The following TCF12 variants were observed in gnomAD, a reference collection of about 807,000 sequenced individuals.
The protein encoded by TCF12 is DNA-binding protein HTF4.
In TCF12, 45 loss-of-function variants were observed where a neutral mutation model predicts 86.0. The observed-to-expected ratio is 0.52, with a 90% CI of 0.41 to 0.67. The LOEUF is 0.67. Among genes scored for constraint, TCF12 ranks in the 30% least tolerant of loss-of-function variants. The pLI is 0.00. For missense variants in TCF12, 881 were observed against 859.9 expected, an observed-to-expected ratio of 1.02 and a Z score of -0.31; for synonymous variants, 330 against 299.6, an observed-to-expected ratio of 1.10 and a Z score of -1.05.
intron 5 of TCF12, among the ~76,000 whole-genome samples, chr15:57,136,257 A>T (rs1567494011): frequency 6.6e-6 from 1 of 152,214 alleles, no homozygotes; most frequent in Non-Finnish European, 1.5e-5. Context: ...AGTACCTAGG[A>T]CATACACAGA....
At chr15:57,153,370 G>A (rs2053898281) in intron 5 of TCF12, among the ~76,000 whole-genome samples, 1 of 152,204 alleles carries the variant, frequency 6.6e-6, no homozygotes, top group African/African-American at 2.4e-5. Flanking sequence ...ACATAAACAA[G>A]TGAGCATGGC....
At chr15:57,041,970 C>A (rs1430470898) in intron 3 of TCF12, among the ~76,000 whole-genome samples, 1 of 152,090 alleles carries the variant, frequency 6.6e-6, no homozygotes, top group African/African-American at 2.4e-5. Context: ...TTTCCCTAAG[C>A]CTTGGATTGG....
At chr15:57,148,945 G>T (rs188288374) in intron 5 of TCF12, among the ~76,000 whole-genome samples, 1 of 152,134 alleles carries the variant, frequency 6.6e-6, no homozygotes. Flanking sequence ...GTTTTCCCAC[G>T]TGAGACGGGT....
chr15:57,191,564 T>C (rs1028945551), intron 6 of TCF12, among the ~76,000 whole-genome samples: 2 of 152,192 alleles, frequency 1.3e-5, no homozygotes, highest in African/African-American at 4.8e-5. Context: ...AAAATATTGA[T>C]GATTAAAAAG....
intron 5 of TCF12, among the ~76,000 whole-genome samples, chr15:57,104,247 A>G (rs575718796): frequency 7.9e-5 from 12 of 152,202 alleles, no homozygotes; most frequent in African/African-American, 2.9e-4. Flanking sequence ...AAAAATACTT[A>G]AATAAGACTA....
chr15:57,265,403 AGT>A (rs1406725472), intron 18 of TCF12, among the ~76,000 whole-genome samples: 2 of 152,116 alleles, frequency 1.3e-5, no homozygotes, highest in East Asian at 3.9e-4. Context: ...TGTATGTGTG[AGT>A]GTGCCCTGCA....
chr15:57,247,997 C>G (rs1316046305), intron 13 of TCF12: 2 of 720,844 alleles, frequency 2.8e-6, no homozygotes, highest in Middle Eastern at 2.3e-4. Flanking sequence ...ACCCCACCCC[C>G]ACAGTGGTGG....
intron 16 of TCF12, among the ~76,000 whole-genome samples, chr15:57,257,662 TAAA>T (rs71113093): frequency 4.5e-5 from 6 of 132,942 alleles, no homozygotes; most frequent in Non-Finnish European, 4.8e-5. Flanking sequence ...CCCTGTCTCT[TAAA>T]AAAAAAAAAA....
chr15:57,158,681 A>C (rs1321052802), intron 5 of TCF12, among the ~76,000 whole-genome samples: 1 of 152,246 alleles, frequency 6.6e-6, no homozygotes, highest in East Asian at 1.9e-4. Context: ...GGGTTAGAAA[A>C]GTGATTACAA....
intron 19 of TCF12, among the ~76,000 whole-genome samples, chr15:57,274,176 A>G (rs2061273589): frequency 6.6e-6 from 1 of 152,166 alleles, no homozygotes; most frequent in South Asian, 2.1e-4. Flanking sequence ...AGACGGTTCA[A>G]AAAAGAATAG....
intron 3 of TCF12, among the ~76,000 whole-genome samples, chr15:56,923,395 C>A (rs1440813731): frequency 6.6e-6 from 1 of 152,042 alleles, no homozygotes; most frequent in Non-Finnish European, 1.5e-5. Context: ...GGTGTGTTTA[C>A]TACTACTAAT....
At chr15:57,084,938 A>G (rs1471983164) in intron 4 of TCF12, among the ~76,000 whole-genome samples, 1 of 152,118 alleles carries the variant, frequency 6.6e-6, no homozygotes, top group Non-Finnish European at 1.5e-5. Context: ...ATGTCACACT[A>G]TATAGTACAG....
chr15:57,016,642 A>G (rs920873272), intron 3 of TCF12, among the ~76,000 whole-genome samples: 4 of 152,126 alleles, frequency 2.6e-5, no homozygotes, highest in Non-Finnish European at 5.9e-5. Context: ...CTGGGAGCCT[A>G]AGACAATGTA....
intron 6 of TCF12, among the ~76,000 whole-genome samples, chr15:57,189,273 A>C (rs1315402782): frequency 2.0e-5 from 3 of 152,228 alleles, no homozygotes; most frequent in African/African-American, 7.2e-5. Context: ...ACTTCTGTAC[A>C]TCAAAGGACA....
At chr15:57,255,172 A>G (rs573897070) in intron 16 of TCF12, among the ~76,000 whole-genome samples, 1 of 152,262 alleles carries the variant, frequency 6.6e-6, no homozygotes, top group South Asian at 2.1e-4. Flanking sequence ...CAGCTACAGT[A>G]TTTATTATAT....
At chr15:57,234,670 T>G (rs1283992607) in intron 12 of TCF12, among the ~76,000 whole-genome samples, 1 of 152,218 alleles carries the variant, frequency 6.6e-6, no homozygotes, top group African/African-American at 2.4e-5. Flanking sequence ...TTCAGAACAT[T>G]AATGACAAAG....
chr15:57,064,656 C>A (rs955682179), intron 4 of TCF12, among the ~76,000 whole-genome samples: 5 of 151,510 alleles, frequency 3.3e-5, no homozygotes, highest in Admixed American at 3.3e-4. Flanking sequence ...TTAGCCAAGG[C>A]GTGGGGGTGG....
intron 19 of TCF12, among the ~76,000 whole-genome samples, chr15:57,280,184 C>A (rs2061620756): frequency 6.6e-6 from 1 of 152,004 alleles, no homozygotes; most frequent in African/African-American, 2.4e-5. Flanking sequence ...GCCACCACGC[C>A]CAGCCCACAG....
At chr15:57,142,844 C>A (rs1236359659) in intron 5 of TCF12, among the ~76,000 whole-genome samples, 1 of 152,066 alleles carries the variant, frequency 6.6e-6, no homozygotes, top group African/African-American at 2.4e-5. Flanking sequence ...CCAATCTAAT[C>A]TTAAGGAAAT....
Sources: allele counts gnomAD v4.1 joint callset (sites outside exome capture counted in the v4.1 genomes callset), GRCh38; gene constraint gnomAD v4.1.1; transcripts MANE v1.5; gene names NCBI Gene and HGNC (gene_info 2026-07-23, HGNC 2026-07-21).